BMPR1A: variants seen among roughly 807,000 people sequenced by gnomAD.
BMPR1A encodes bone morphogenetic protein receptor type 1A.
BMPR1A carries 7 observed loss-of-function variants against 66.0 expected under a neutral mutation model. That is an observed-to-expected ratio of 0.11 (90% confidence interval 0.06 to 0.20). BMPR1A has a LOEUF of 0.20. Among genes scored for constraint, BMPR1A ranks in the 10% least tolerant of loss-of-function variants. The probability of loss-of-function intolerance (pLI) is 1.00; values close to 1 mark genes in which losing one functional copy is unlikely to be tolerated. For synonymous variants in BMPR1A, 200 were observed against 229.7 expected (o/e 0.87, Z 1.17); for missense variants, 408 against 669.1 (o/e 0.61, Z 4.31).
chr10:86,874,956 T>C (rs1304950672), intron 2 of BMPR1A, among the ~76,000 whole-genome samples: 2 of 150,894 alleles, frequency 1.3e-5, no homozygotes, highest in African/African-American at 4.9e-5. Context: ...AACTCCTGAC[T>C]TCACTTCAGG....
At chr10:86,891,159 C>T (rs1435452245) in intron 4 of BMPR1A, among the ~76,000 whole-genome samples, 2 of 152,070 alleles carry the variant, frequency 1.3e-5, no homozygotes, top group South Asian at 2.1e-4. Flanking sequence ...GCTGCTTGTC[C>T]CCTGGTGGTG....
At chr10:86,884,898 T>G (rs1277020321) in intron 3 of BMPR1A, among the ~76,000 whole-genome samples, 1 of 152,198 alleles carries the variant, frequency 6.6e-6, no homozygotes, top group Admixed American at 6.5e-5. Flanking sequence ...GTTAACTGAT[T>G]TATGCAGTTT....
intron 1 of BMPR1A, among the ~76,000 whole-genome samples, chr10:86,784,623 A>G (rs930792182): frequency 2.0e-5 from 3 of 152,134 alleles, no homozygotes; most frequent in East Asian, 3.9e-4. Flanking sequence ...CAGTGAAGCT[A>G]TCTGGTCCTG....
intron 1 of BMPR1A, among the ~76,000 whole-genome samples, chr10:86,798,717 G>A (rs1841761809): frequency 6.6e-6 from 1 of 152,208 alleles, no homozygotes; most frequent in African/African-American, 2.4e-5. Flanking sequence ...ATTTTGCCCA[G>A]TATGTCTTTT....
chr10:86,799,505 C>CCTTT (rs777525859), intron 1 of BMPR1A, among the ~76,000 whole-genome samples: 1 of 58,142 alleles, frequency 1.7e-5, no homozygotes, highest in Non-Finnish European at 3.5e-5. Flanking sequence ...TTCCTTCCTT[C>CCTTT]CTTTCTTTTC....
At chr10:86,806,552 G>GTCCTTATGGATTT (rs1223498864) in intron 1 of BMPR1A, among the ~76,000 whole-genome samples, 1 of 152,024 alleles carries the variant, frequency 6.6e-6, no homozygotes, top group Non-Finnish European at 1.5e-5. Flanking sequence ...ATGAGTTATA[G>GTCCTTATGGATTT]TCCTTATGGA....
intron 3 of BMPR1A, among the ~76,000 whole-genome samples, chr10:86,883,900 A>C (rs1021169578): frequency 7.0e-6 from 1 of 143,734 alleles, no homozygotes; most frequent in African/African-American, 2.6e-5. Context: ...ATTTGAGACG[A>C]GTCTTGCTCT....
At chr10:86,806,212 G>A in intron 1 of BMPR1A, among the ~76,000 whole-genome samples, 1 of 152,064 alleles carries the variant, frequency 6.6e-6, no homozygotes, top group East Asian at 1.9e-4. Flanking sequence ...CCTGTCATTG[G>A]TCATGTTAAT....
At chr10:86,818,330 AG>A (rs1842067333) in intron 1 of BMPR1A, among the ~76,000 whole-genome samples, 1 of 152,144 alleles carries the variant, frequency 6.6e-6, no homozygotes, top group Non-Finnish European at 1.5e-5. Context: ...TAATAATTTT[AG>A]GGAGCAGATG....
chr10:86,835,428 T>C (rs559516191), intron 1 of BMPR1A, among the ~76,000 whole-genome samples: 1 of 149,292 alleles, frequency 6.7e-6, no homozygotes, highest in African/African-American at 2.5e-5. Flanking sequence ...CTGGGCATGG[T>C]TAATCCCAGC....
chr10:86,834,919 A>G (rs1842320210), intron 1 of BMPR1A, among the ~76,000 whole-genome samples: 1 of 151,920 alleles, frequency 6.6e-6, no homozygotes, highest in Admixed American at 6.6e-5. Context: ...CAGTATTTGT[A>G]CAGTGCATGG....
chr10:86,766,617 C>CA (rs550079702), intron 1 of BMPR1A, among the ~76,000 whole-genome samples: 1 of 131,298 alleles, frequency 7.6e-6, no homozygotes, highest in Non-Finnish European at 1.6e-5. Context: ...TCATATCAGT[C>CA]TTTTTTTTTT....
At chr10:86,844,930 C>T (rs1458630469) in intron 2 of BMPR1A, among the ~76,000 whole-genome samples, 6 of 152,166 alleles carry the variant, frequency 3.9e-5, no homozygotes, top group Non-Finnish European at 7.4e-5. Context: ...GCACCCGCCA[C>T]CACGCTCAGC....
At chr10:86,891,732 A>G (rs1433562373) in intron 4 of BMPR1A, among the ~76,000 whole-genome samples, 2 of 152,210 alleles carry the variant, frequency 1.3e-5, no homozygotes. Flanking sequence ...ATCATATACA[A>G]TATGGAAGTA....
intron 1 of BMPR1A, among the ~76,000 whole-genome samples, chr10:86,762,235 G>C (rs1343555499): frequency 2.0e-5 from 3 of 152,172 alleles, no homozygotes; most frequent in Non-Finnish European, 4.4e-5. Context: ...ATTTCAGGCA[G>C]GTGCATATAT....
downstream of BMPR1A, chr10:86,928,107 T>C (rs1161131954): frequency 6.1e-6 from 1 of 165,032 alleles, no homozygotes. Flanking sequence ...AGAAACCCAG[T>C]ATGGAGCACA....
At chr10:86,896,798 G>A (rs1313646874) in intron 5 of BMPR1A, among the ~76,000 whole-genome samples, 2 of 152,158 alleles carry the variant, frequency 1.3e-5, no homozygotes, top group Admixed American at 1.3e-4. Context: ...AAATTTTTAA[G>A]TGTCACCTGA....
At position 86,813,635 on chromosome 10, in the gene BMPR1A, A is replaced by T. The variant is rs537913714; in HGVS notation, c.-267-25230A>T. Among the ~76,000 whole-genome samples the T allele has an allele frequency of 1.5e-4, 23 of 152,274 alleles. 1 individual carries two copies. Among genetic ancestry groups the T allele is most frequent in the Middle Eastern group, 3.4e-3 (1 of 294 alleles). ...GAAACCAGTTAAAACCATTCTTTGC[A>T]TGCGCTCTCCATTTCCCCCCATTCC... is the stretch of plus-strand genomic sequence containing the variant. On this transcript the variant is annotated intron_variant, in intron 1 of 12. Transcript: ENST00000372037.
chr10:86,773,065 G>GGGGT (rs1841289283), intron 1 of BMPR1A, among the ~76,000 whole-genome samples: 1 of 151,894 alleles, frequency 6.6e-6, no homozygotes, highest in South Asian at 2.1e-4. Context: ...GAAATTTGTA[G>GGGGT]GGGTGGGGGT....
Sources: gnomAD v4.1 joint callset for allele counts (sites outside exome capture counted in the v4.1 genomes callset) on GRCh38, gnomAD v4.1.1 for gene constraint, MANE v1.5 for transcripts, NCBI Gene and HGNC (gene_info 2026-07-23, HGNC 2026-07-21) for gene names.